The following CP variants were observed in gnomAD, a reference collection of about 807,000 sequenced individuals.
The protein encoded by CP is ceruloplasmin.
Under a neutral mutation model 122.4 loss-of-function variants are expected in CP, and 64 were observed. That is an observed-to-expected ratio of 0.52 (90% CI 0.43 to 0.64). The LOEUF (loss-of-function observed/expected upper bound fraction) is 0.64. Among genes scored for constraint, CP ranks in the 30% least tolerant of loss-of-function variants. The pLI, the probability that CP is intolerant of heterozygous loss-of-function variation, is 0.00. For missense variants in CP, 1,167 were observed against 1,284.4 expected, an observed-to-expected ratio of 0.91 and a Z score of 1.40; for synonymous variants, 440 against 436.4, an observed-to-expected ratio of 1.01 and a Z score of -0.10.
intron 9 of CP, among the ~76,000 whole-genome samples, chr3:149,195,413 A>G (rs1726836202): frequency 6.6e-6 from 1 of 152,226 alleles, no homozygotes; most frequent in Non-Finnish European, 1.5e-5. Flanking sequence ...GTGAAGGCAA[A>G]GACTAGAAAC....
intron 1 of CP, among the ~76,000 whole-genome samples, chr3:149,213,073 T>C (rs1728218519): frequency 6.6e-6 from 1 of 152,248 alleles, no homozygotes; most frequent in Non-Finnish European, 1.5e-5. Flanking sequence ...ATTTTTTCAC[T>C]TCTACCTCTC....
At position 149,199,804 on chromosome 3, in the gene CP, G is replaced by A. The variant is rs1460879036; in HGVS notation, c.1409C>T (p.Ala470Val). ...TIRVTFHNKG[A>V]YPLSIEPIGV... is the part of the protein sequence containing the mutation. ...AATCGGCTCAATACTGAGGGGATATGCTCCTTTGTTATGGAAGGTTACTCT... is the reference window on the plus strand; with the variant it reads ...AATCGGCTCAATACTGAGGGGATATACTCCTTTGTTATGGAAGGTTACTCT... Residue 470 changes from alanine (A) to valine (V), a missense_variant, in exon 8 of 19, where the codon GCA becomes GTA. By Grantham distance (64) the Ala-to-Val change is moderately conservative. This residue lies in a region of CP where 642 missense variants were observed against 627.3 expected (regional missense o/e 1.02). Coordinates refer to ENST00000264613, the MANE Select transcript of CP (RefSeq NM_000096.4). The A allele has an allele frequency of 3.7e-6, 6 of 1,614,078 alleles. No homozygotes were observed. The Admixed American group carries it at 6.7e-5, about 18-fold the overall frequency.
intron 11 of CP, among the ~76,000 whole-genome samples, chr3:149,185,828 A>G (rs565891010): frequency 2.6e-4 from 39 of 152,230 alleles, no homozygotes; most frequent in African/African-American, 8.9e-4. Flanking sequence ...ATATGTATTA[A>G]TATACTTGCT....
At chr3:149,172,395 TGTAGTGGTA>T, downstream of CP, 1 of 569,144 alleles carries the variant, frequency 1.8e-6, no homozygotes, top group Non-Finnish European at 3.1e-6. Flanking sequence ...TACCTTACCG[TGTAGTGGTA>T]ACTATTCACT....
chr3:149,188,965 C>T (rs1726367165), intron 9 of CP, among the ~76,000 whole-genome samples: 1 of 152,024 alleles, frequency 6.6e-6, no homozygotes, highest in African/African-American at 2.4e-5. Context: ...AAAGCAAAGA[C>T]CTGAAGGTTA....
Position 149,177,932 on chromosome 3 carries a change from C to A in CP, c.2926G>T (p.Val976Leu), listed in dbSNP as rs192063766. ...FGNLQGLTMH[V>L]GDEVNWYLMG... is the part of the protein sequence containing the mutation. ...AGATACCAGTTGACTTCATCTCCCACGTGCATTGTGAGGCCTTGTAGGTTT... is the reference window on the plus strand; with the variant it reads ...AGATACCAGTTGACTTCATCTCCCAAGTGCATTGTGAGGCCTTGTAGGTTT... Residue 976 changes from valine to leucine, a missense_variant, in exon 17 of 19, where the codon GTG (valine) becomes TTG (leucine). Val to Leu is a conservative substitution (Grantham distance 32). Coordinates refer to ENST00000264613, the MANE Select transcript of CP (RefSeq NM_000096.4). 1 of 1,613,446 alleles carries A rather than the reference C, an allele frequency of 6.2e-7. No homozygotes were observed. Among genetic ancestry groups the A allele is most frequent in the Non-Finnish European group, 8.5e-7 (1 of 1,179,396 alleles).
At chr3:149,201,449 A>C (rs890818887) in intron 7 of CP, among the ~76,000 whole-genome samples, 1 of 151,750 alleles carries the variant, frequency 6.6e-6, no homozygotes, top group African/African-American at 2.4e-5. Flanking sequence ...CTAAGGGAAC[A>C]CATCTTTAAC....
intron 2 of CP, among the ~76,000 whole-genome samples, chr3:149,211,514 G>A (rs1364102134): frequency 6.6e-6 from 1 of 152,132 alleles, no homozygotes; most frequent in Non-Finnish European, 1.5e-5. Context: ...CTAAGAATGA[G>A]ATCACAGGCA....
At chr3:149,210,105 A>G (rs1410356626) in intron 3 of CP, 62 bp downstream of exon 3, 2 of 1,538,568 alleles carry the variant, frequency 1.3e-6, no homozygotes, top group Non-Finnish European at 1.8e-6. Context: ...TCTTTTTAAA[A>G]GACAAACTGC....
chr3:149,195,178 T>C (rs551430300), intron 9 of CP, among the ~76,000 whole-genome samples: 29 of 152,346 alleles, frequency 1.9e-4, no homozygotes, highest in Admixed American at 1.6e-3. Flanking sequence ...TTTGACAATA[T>C]AGTTTGTAAT....
intron 9 of CP, among the ~76,000 whole-genome samples, chr3:149,192,766 C>T (rs1726627183): frequency 6.6e-6 from 1 of 151,600 alleles, no homozygotes; most frequent in Non-Finnish European, 1.5e-5. Context: ...AAGAAATTGA[C>T]TGAAGAAGTA....
chr3:149,179,044 T>G (rs1725612070), intron 15 of CP, among the ~76,000 whole-genome samples: 1 of 152,194 alleles, frequency 6.6e-6, no homozygotes, highest in African/African-American at 2.4e-5. Flanking sequence ...CCAGATTTAC[T>G]CATTTGTTTG....
intron 5 of CP, chr3:149,165,921 A>C (rs1724369238): frequency 2.3e-6 from 1 of 431,010 alleles, no homozygotes; most frequent in South Asian, 1.7e-5. Context: ...AATTTATTAA[A>C]CTTGCAGGAA....
intron 8 of CP, among the ~76,000 whole-genome samples, 187 bp from the exon 9 acceptor site, chr3:149,198,765 C>G (rs941727594): frequency 1.3e-5 from 2 of 152,230 alleles, no homozygotes; most frequent in African/African-American, 4.8e-5. Flanking sequence ...ATAGACTCTT[C>G]TAAACCTCCT....
chr3:149,208,347 C>A (rs569377197), intron 4 of CP, among the ~76,000 whole-genome samples: 1 of 152,266 alleles, frequency 6.6e-6, no homozygotes, highest in South Asian at 2.1e-4. Context: ...CAAACCTGCT[C>A]AGGCTAGAAT....
rs1559934957 is a variant in CP at position 149,177,928 on chromosome 3, C to T, written c.2930G>A (p.Gly977Glu). ...GNLQGLTMHVGDEVNWYLMGM... is the reference protein window; with the variant it reads ...GNLQGLTMHVEDEVNWYLMGM... ...CATCAGATACCAGTTGACTTCATCT[C>T]CCACGTGCATTGTGAGGCCTTGTAG... is the stretch of plus-strand genomic sequence containing the variant. The change falls in exon 17 of 19, where the codon GGA (glycine) becomes GAA (glutamate). Residue 977 changes from glycine to glutamate, a missense_variant. Gly to Glu is a moderately conservative substitution (Grantham distance 98). Transcript: ENST00000264613. The T allele has an allele frequency of 6.2e-7, 1 of 1,613,538 alleles. No homozygotes were observed.
chr3:149,167,985 T>C (rs768723740), downstream of CP: 3 of 1,481,138 alleles, frequency 2.0e-6, no homozygotes, highest in South Asian at 2.3e-5. Context: ...CATTAAAAGG[T>C]AAAATGATTT....
At chr3:149,206,394 A>G (rs763635067) in intron 5 of CP, 55 bp from the exon 6 acceptor site, 19 of 1,598,564 alleles carry the variant, frequency 1.2e-5, no homozygotes, top group Non-Finnish European at 1.5e-5. Context: ...TCTCTCTCCT[A>G]TTGCCCTGTA....
At chr3:149,174,934 T>C (rs1576723419) in intron 18 of CP, among the ~76,000 whole-genome samples, 1 of 152,306 alleles carries the variant, frequency 6.6e-6, no homozygotes, top group East Asian at 1.9e-4. Flanking sequence ...CTGTAATTTT[T>C]ACTATAGCTT....
Sources: gnomAD v4.1 joint callset for allele counts (sites outside exome capture counted in the v4.1 genomes callset) on GRCh38, gnomAD v4.1.1 for gene constraint, gnomAD v4.1.1 regional missense constraint, MANE v1.5 for transcripts, NCBI Gene and HGNC (gene_info 2026-07-23, HGNC 2026-07-21) for gene names.